PPFIA2: variants seen among roughly 807,000 people sequenced by gnomAD.
PPFIA2 encodes the protein PPFI scaffold protein A2.
A neutral mutation model predicts 175.5 loss-of-function variants in PPFIA2; 46 were observed. The observed-to-expected ratio is 0.26, with a 90% confidence interval of 0.21 to 0.34. The LOEUF is 0.34. Among genes scored for constraint, PPFIA2 ranks in the 10% least tolerant of loss-of-function variants. The pLI is 1.00. For missense variants in PPFIA2, 1,179 were observed against 1,506.1 expected, an observed-to-expected ratio of 0.78 and a Z score of 3.60; for synonymous variants, 568 against 511.4, an observed-to-expected ratio of 1.11 and a Z score of -1.49.
chr12:81,515,630 G>C (rs1448676810), intron 4 of PPFIA2, among the ~76,000 whole-genome samples: 4 of 151,994 alleles, frequency 2.6e-5, no homozygotes, highest in Non-Finnish European at 4.4e-5. Context: ...CCTTCTCAGT[G>C]AGTGTCATCT....
intron 4 of PPFIA2, among the ~76,000 whole-genome samples, chr12:81,613,084 T>A (rs1030732418): frequency 2.0e-5 from 3 of 152,208 alleles, no homozygotes; most frequent in Non-Finnish European, 2.9e-5. Context: ...TTAGAAGAAC[T>A]CTAATATTAT....
chr12:81,495,672 A>G (rs2059954712), intron 4 of PPFIA2, among the ~76,000 whole-genome samples: 1 of 152,018 alleles, frequency 6.6e-6, no homozygotes, highest in Admixed American at 6.6e-5. Context: ...AAAATTAACT[A>G]GGCATGATGG....
chr12:81,650,846 T>C (rs932700293), intron 4 of PPFIA2, among the ~76,000 whole-genome samples: 2 of 152,174 alleles, frequency 1.3e-5, no homozygotes, highest in African/African-American at 2.4e-5. Flanking sequence ...GAGAAACATA[T>C]GGCCAAAGAC....
chr12:81,402,354 ATAAG>A (rs2042227425), intron 8 of PPFIA2, among the ~76,000 whole-genome samples: 1 of 151,598 alleles, frequency 6.6e-6, no homozygotes, highest in African/African-American at 2.4e-5. Flanking sequence ...TAAAAAAAAA[ATAAG>A]TATTAGGCTT....
chr12:81,317,327 A>C (rs574489851), intron 22 of PPFIA2, among the ~76,000 whole-genome samples: 2 of 151,690 alleles, frequency 1.3e-5, no homozygotes, highest in South Asian at 4.1e-4. Flanking sequence ...AAGCCATTTG[A>C]AATTAATCCT....
intron 31 of PPFIA2, among the ~76,000 whole-genome samples, chr12:81,262,286 GC>G (rs1432895385): frequency 6.6e-6 from 1 of 152,148 alleles, no homozygotes; most frequent in Non-Finnish European, 1.5e-5. Context: ...GGTAACAAGA[GC>G]AGCTCCCGAG....
chr12:81,383,906 C>A (rs917159639), intron 9 of PPFIA2, 117 bp downstream of exon 9: 3 of 785,946 alleles, frequency 3.8e-6, no homozygotes, highest in Non-Finnish European at 4.0e-6. Flanking sequence ...ATAATGCATG[C>A]CAAAGTATGG....
At chr12:81,283,234 C>A (rs1157057657) in intron 25 of PPFIA2, among the ~76,000 whole-genome samples, 195 bp from the exon 26 acceptor site, 1 of 152,048 alleles carries the variant, frequency 6.6e-6, no homozygotes, top group Non-Finnish European at 1.5e-5. Flanking sequence ...GCAACTACAT[C>A]ATTTTCAATT....
chr12:81,641,425 T>TACGC (rs1292018306), intron 4 of PPFIA2, among the ~76,000 whole-genome samples: 1 of 152,076 alleles, frequency 6.6e-6, no homozygotes, highest in Non-Finnish European at 1.5e-5. Flanking sequence ...ATTGCCAAGG[T>TACGC]ACGCACACCT....
chr12:81,754,548 T>C (rs1253268675), intron 2 of PPFIA2, among the ~76,000 whole-genome samples: 5 of 152,248 alleles, frequency 3.3e-5, no homozygotes, highest in Non-Finnish European at 2.9e-5. Context: ...TGATTTCTAT[T>C]ATTATTTCAT....
chr12:81,278,074 T>G (rs2041015849), intron 27 of PPFIA2, among the ~76,000 whole-genome samples: 1 of 152,128 alleles, frequency 6.6e-6, no homozygotes, highest in South Asian at 2.1e-4. Context: ...AAGGTGTGGT[T>G]AGCGAGACAC....
At chr12:81,378,509 C>T (rs2036916664) in intron 9 of PPFIA2, among the ~76,000 whole-genome samples, 1 of 152,132 alleles carries the variant, frequency 6.6e-6, no homozygotes. Context: ...ATAATGCCTA[C>T]TATTTAAAAA....
At position 81,749,649 on chromosome 12, in the gene PPFIA2, A is replaced by C. The variant is rs2083491282; in HGVS notation, c.249+4324T>G. On this transcript the variant is annotated intron_variant, in intron 3 of 32. Transcript: ENST00000549396. Reference sequence around the variant, plus strand: ...TTATTCACATATATGTATAGAAATGATCATCTTTTAGCATTCTGGATAAAA... The same window carrying C: ...TTATTCACATATATGTATAGAAATGCTCATCTTTTAGCATTCTGGATAAAA... Among the ~76,000 whole-genome samples, 2 of 144,508 alleles carry C rather than the reference A, an allele frequency of 1.4e-5. 1 individual carries two copies. The highest frequency in any genetic ancestry group is 4.2e-4 in the East Asian group (2 of 4,768). 94.8% of individuals were successfully genotyped at this position (144,508 alleles called of 152,430 possible). A position where few individuals can be genotyped will look rare whatever the true frequency, so the allele number is the denominator to read the frequency against.
chr12:81,431,549 TTTTG>T (rs1212595431), intron 7 of PPFIA2: 3 of 152,180 alleles, frequency 2.0e-5, no homozygotes, highest in African/African-American at 7.2e-5. Context: ...ATTTACAATA[TTTTG>T]TTTGATTTTT....
intron 32 of PPFIA2, among the ~76,000 whole-genome samples, chr12:81,261,496 C>A (rs1756020326): frequency 6.6e-6 from 1 of 152,042 alleles, no homozygotes; most frequent in Admixed American, 6.6e-5. Flanking sequence ...TAATATGAAA[C>A]CATCTCTAAA....
chr12:81,599,880 C>T (rs1311291333), intron 4 of PPFIA2, among the ~76,000 whole-genome samples: 1 of 151,890 alleles, frequency 6.6e-6, no homozygotes, highest in Non-Finnish European at 1.5e-5. Flanking sequence ...TACATGTTTG[C>T]CTGTTTTCAT....
intron 24 of PPFIA2, among the ~76,000 whole-genome samples, chr12:81,290,187 A>G (rs2044542581): frequency 6.6e-6 from 1 of 151,678 alleles, no homozygotes; most frequent in African/African-American, 2.4e-5. Context: ...CCCAAACCTC[A>G]GTGTGCAAAA....
chr12:81,544,005 G>T (rs1240901102), intron 4 of PPFIA2, among the ~76,000 whole-genome samples: 1 of 152,110 alleles, frequency 6.6e-6, no homozygotes, highest in Non-Finnish European at 1.5e-5. Context: ...TATCCTGGAA[G>T]AGATCTTTGA....
chr12:81,280,907 A>AAT (rs61194258), intron 27 of PPFIA2, among the ~76,000 whole-genome samples: 38,920 of 151,882 alleles, frequency 0.26, 5,187 homozygotes, highest in African/African-American at 0.32. Flanking sequence ...TGAAACTATG[A>AAT]ATTTGTTTAT....
Sources: allele counts gnomAD v4.1 joint callset (sites outside exome capture counted in the v4.1 genomes callset), GRCh38; gene constraint gnomAD v4.1.1; transcripts MANE v1.5; gene names NCBI Gene and HGNC (gene_info 2026-07-23, HGNC 2026-07-21).